The following DOCK8 variants were observed in gnomAD, a reference collection of about 807,000 sequenced individuals.
The protein encoded by DOCK8 is dedicator of cytokinesis 8.
Under a neutral mutation model 245.6 loss-of-function variants are expected in DOCK8, and 141 were observed. That is an observed-to-expected ratio of 0.57 (90% confidence interval 0.50 to 0.66). The LOEUF is 0.66. Ranked by LOEUF, DOCK8 falls within the 30% of genes least tolerant of loss-of-function variation. The pLI, the probability that DOCK8 is intolerant of heterozygous loss-of-function variation, is 0.00. For synonymous variants in DOCK8, 1,168 were observed against 970.2 expected (o/e 1.20, Z -3.79); for missense variants, 2,965 against 2,603.4 (o/e 1.14, Z -3.02).
intron 1 of DOCK8, among the ~76,000 whole-genome samples, chr9:251,784 G>A (rs2047653289): frequency 6.6e-6 from 1 of 152,122 alleles, no homozygotes; most frequent in Non-Finnish European, 1.5e-5. Flanking sequence ...CTCATTAAGT[G>A]TGACTAGCAT....
chr9:375,818 G>T (rs564592859), intron 18 of DOCK8, among the ~76,000 whole-genome samples: 1 of 152,136 alleles, frequency 6.6e-6, no homozygotes, highest in East Asian at 1.9e-4. Flanking sequence ...GCAACATGGT[G>T]AAACCACATT....
intron 4 of DOCK8, among the ~76,000 whole-genome samples, chr9:294,941 C>G (rs544065299): frequency 4.3e-4 from 65 of 152,190 alleles, no homozygotes; most frequent in Non-Finnish European, 7.6e-4. Flanking sequence ...AGGTGGATCA[C>G]TTGAGGTCAG....
At chr9:215,482 C>T in intron 1 of DOCK8, 1 of 1,472,128 alleles carries the variant, frequency 6.8e-7, no homozygotes, top group East Asian at 2.6e-5. Flanking sequence ...AGGCAGGCTG[C>T]AAGCCTTCTG....
At chr9:245,585 C>T (rs1386695079) in intron 1 of DOCK8, among the ~76,000 whole-genome samples, 1 of 152,098 alleles carries the variant, frequency 6.6e-6, no homozygotes, top group Non-Finnish European at 1.5e-5. Flanking sequence ...GGCAACTTGA[C>T]AAAGAGTGAA....
intron 9 of DOCK8, 120 bp downstream of exon 9, chr9:328,291 G>C: frequency 7.5e-7 from 1 of 1,325,852 alleles, no homozygotes; most frequent in Non-Finnish European, 1.0e-6. Context: ...GATTCACTTT[G>C]TTTCCTTCTC....
intron 45 of DOCK8, among the ~76,000 whole-genome samples, chr9:451,717 T>A (rs1184628848): frequency 1.3e-5 from 2 of 151,838 alleles, no homozygotes; most frequent in African/African-American, 4.8e-5. Flanking sequence ...AAATCAAAAT[T>A]TCCTGAGATG....
At chr9:462,038 G>GT (rs1564095974) in intron 46 of DOCK8, among the ~76,000 whole-genome samples, 1 of 148,050 alleles carries the variant, frequency 6.8e-6, no homozygotes, top group Non-Finnish European at 1.5e-5. Flanking sequence ...ATTAACTTTG[G>GT]TTTTTTACAT....
At chr9:327,866 G>C (rs1447489103) in intron 8 of DOCK8, among the ~76,000 whole-genome samples, 156 bp from the exon 9 acceptor site, 1 of 152,196 alleles carries the variant, frequency 6.6e-6, no homozygotes, top group Admixed American at 6.5e-5. Flanking sequence ...ACATTTGTCA[G>C]ATTTATCCAG....
At chr9:303,645 G>A (rs975564284) in intron 4 of DOCK8, among the ~76,000 whole-genome samples, 16 of 152,186 alleles carry the variant, frequency 1.1e-4, no homozygotes, top group African/African-American at 3.9e-4. Flanking sequence ...ACTAAAGAAG[G>A]GAGGATGGAA....
chr9:412,418 AAAAG>A (rs2055780790), intron 28 of DOCK8, among the ~76,000 whole-genome samples: 2 of 151,642 alleles, frequency 1.3e-5, no homozygotes, highest in Admixed American at 6.6e-5. Context: ...AAAAAAAAAA[AAAAG>A]AAAAAGAAGA....
chr9:341,718 A>T lies in DOCK8; in HGVS notation c.1679+1397A>T, dbSNP rs144525338. On this transcript the variant is annotated intron_variant, in intron 14 of 47. Coordinates refer to ENST00000432829, the MANE Select transcript of DOCK8 (RefSeq NM_203447.4). ...TCACACTCTAGGTCAGGGGTCCCCA[A>T]CCCCCGGGCCATAGACCATTACTGG... is the stretch of plus-strand genomic sequence containing the variant. 1.2e-3 allele frequency among the ~76,000 whole-genome samples: 184 copies of T among 152,178 alleles called. 2 individuals are homozygous for T. The Middle Eastern group carries it at 0.014, about 11-fold the overall frequency.
intron 14 of DOCK8, among the ~76,000 whole-genome samples, chr9:349,143 T>A (rs1270441829): frequency 2.0e-5 from 3 of 152,164 alleles, no homozygotes; most frequent in Non-Finnish European, 4.4e-5. Context: ...AACCCCACAG[T>A]ACAAAATAAA....
intron 33 of DOCK8, among the ~76,000 whole-genome samples, chr9:423,572 A>G (rs1207820326): frequency 6.6e-6 from 1 of 152,222 alleles, no homozygotes; most frequent in African/African-American, 2.4e-5. Context: ...TGGTTAACTT[A>G]TGGGACTTTG....
At chr9:395,989 A>G (rs2054434484) in intron 24 of DOCK8, among the ~76,000 whole-genome samples, 1 of 152,098 alleles carries the variant, frequency 6.6e-6, no homozygotes, top group Non-Finnish European at 1.5e-5. Context: ...GTTTGTGTCA[A>G]TTGGTGACTT....
At position 336,604 on chromosome 9, in the gene DOCK8, G is replaced by C; in HGVS notation, c.1308G>C (p.Arg436=). 2 of 1,614,208 alleles carry C rather than the reference G, an allele frequency of 1.2e-6. No individual in the cohort carries two copies. The highest frequency in any genetic ancestry group is 1.7e-6 in the Non-Finnish European group (2 of 1,180,028). ...AAGGGAGAAGCTCAGTGGGTGAACG[G>C]AGGACATTGGCCCAATCTAGAAGGC... ...SVVGRSSVGE[R]RTLAQSRRLS... is the part of the protein sequence containing the mutation. Residue 436 remains arginine (R), a synonymous_variant, in exon 12 of 48, where the codon CGG becomes CGC. Transcript: ENST00000432829.
intron 33 of DOCK8, among the ~76,000 whole-genome samples, chr9:425,089 A>C (rs1586995201): frequency 6.6e-6 from 1 of 152,376 alleles, no homozygotes; most frequent in East Asian, 1.9e-4. Context: ...CTTTTAGGAT[A>C]AACAAAATAT....
chr9:318,101 TTTC>T (rs938826002), intron 7 of DOCK8, among the ~76,000 whole-genome samples: 4 of 152,220 alleles, frequency 2.6e-5, no homozygotes, highest in African/African-American at 9.6e-5. Flanking sequence ...ATTCTAGTAT[TTTC>T]TTCTTCCACT....
intron 1 of DOCK8, among the ~76,000 whole-genome samples, chr9:236,012 A>G (rs2047238605): frequency 6.6e-6 from 1 of 152,190 alleles, no homozygotes; most frequent in Non-Finnish European, 1.5e-5. Flanking sequence ...GGAGCTGTAG[A>G]CTGGAGCTGT....
rs1370720090 is a variant in DOCK8, at chr9:250,665, TGGAAA to T, written c.54-20960_54-20956del. Among the ~76,000 whole-genome samples the T allele has an allele frequency of 2.6e-5, 4 of 152,240 alleles. No homozygotes were observed. The East Asian group carries it at 7.7e-4, about 29-fold the overall frequency. ...ACAACATGTAAGGGGCCTACACGGGTGGAAAGCCCATTCAAGAAACTGAGGATGAT... is the reference window on the plus strand; with the variant it reads ...ACAACATGTAAGGGGCCTACACGGGTGCCCATTCAAGAAACTGAGGATGAT... On this transcript the variant is annotated intron_variant, in intron 1 of 47. Coordinates refer to ENST00000432829, the MANE Select transcript of DOCK8 (RefSeq NM_203447.4).
Sources: gnomAD v4.1 joint callset for allele counts (sites outside exome capture counted in the v4.1 genomes callset) on GRCh38, gnomAD v4.1.1 for gene constraint, MANE v1.5 for transcripts, NCBI Gene and HGNC (gene_info 2026-07-23, HGNC 2026-07-21) for gene names.